The following TNPO3 variants were observed in gnomAD, a reference collection of about 807,000 sequenced individuals.
TNPO3 encodes transportin 3.
Under a neutral mutation model 122.8 loss-of-function variants are expected in TNPO3, and 65 were observed. The observed-to-expected ratio is 0.53, with a 90% CI of 0.43 to 0.65. The LOEUF (loss-of-function observed/expected upper bound fraction) is 0.65, where lower values mean the gene tolerates loss of function less well. TNPO3 is among the 30% of genes least tolerant of loss of function. The pLI, the probability that TNPO3 is intolerant of heterozygous loss-of-function variation, is 0.00. For missense variants in TNPO3, 850 were observed against 1,136.7 expected (o/e 0.75, Z 3.63); for synonymous variants, 372 against 411.2 (o/e 0.90, Z 1.15).
rs776509883 is a variant in TNPO3 at position 128,990,174 on chromosome 7, G to A, written c.1359-74C>T. 1.7e-5 allele frequency: 25 copies of A among 1,484,140 alleles called. No individual in the cohort carries two copies. In the African/African-American group the frequency reaches 2.9e-4, roughly 17 times the overall value. The allele number at this position is 1,484,140 out of a possible 1,614,324, so 91.9% of individuals were successfully genotyped here. On this transcript the variant is annotated intron_variant, in intron 10 of 22. Transcript: ENST00000265388. Reference sequence around the variant, plus strand: ...TTCTGGCCAAATAACAGGCTGTGACGACACACAGCATTGCTAAAGGGCTTC... The same window carrying A: ...TTCTGGCCAAATAACAGGCTGTGACAACACACAGCATTGCTAAAGGGCTTC...
chr7:129,018,132 T>C lies in TNPO3; in HGVS notation c.146A>G (p.Gln49Arg), dbSNP rs1362176203. 6.2e-7 allele frequency: 1 copy of C among 1,614,184 alleles called. No individual in the cohort carries two copies. Among genetic ancestry groups the C allele is most frequent in the Non-Finnish European group, 8.5e-7 (1 of 1,180,032 alleles). The change falls in exon 2 of 23, where the codon CAG becomes CGG. Residue 49 changes from glutamine (Q) to arginine (R), a missense_variant. Coordinates refer to ENST00000265388, the MANE Select transcript of TNPO3 (RefSeq NM_012470.4). ...CACATCCTGCCGGATCTGTAACAAC[T>C]GGTCTGAGATCTCCCATGCATGAAC... ...RSVHAWEISD[Q>R]LLQIRQDVES...
intron 20 of TNPO3, among the ~76,000 whole-genome samples, chr7:128,969,405 T>C (rs930967224): frequency 4.6e-5 from 7 of 152,184 alleles, no homozygotes; most frequent in African/African-American, 1.7e-4. Context: ...AATTTTATAT[T>C]CTGTGGTTCT....
At chr7:128,980,510 G>A (rs117232856) in intron 14 of TNPO3, among the ~76,000 whole-genome samples, 2,287 of 152,152 alleles carry the variant, frequency 0.015, 30 homozygotes, top group South Asian at 0.045. Flanking sequence ...TGGGAGGCTG[G>A]TGGTGGTGCA....
chr7:129,020,087 G>C (rs1804295753), intron 1 of TNPO3, among the ~76,000 whole-genome samples: 1 of 152,072 alleles, frequency 6.6e-6, no homozygotes, highest in South Asian at 2.1e-4. Context: ...AGGATCACTT[G>C]AGCCCAAGCA....
rs190107906 is a variant in TNPO3, at chr7:128,964,624, C to T, written c.2711+2656G>A. Among the ~76,000 whole-genome samples the T allele has an allele frequency of 3.2e-3, 486 of 152,168 alleles. 1 individual carries two copies. The highest frequency in any genetic ancestry group is 0.011 in the African/African-American group (466 of 41,542). On this transcript the variant is annotated intron_variant, in intron 21 of 22. Transcript: ENST00000265388. Reference sequence around the variant, plus strand: ...TGCTGGGATTACAGGCGTGAGCCACCGCGCCTGGCCACCAAAACAATCTTT... The same window carrying T: ...TGCTGGGATTACAGGCGTGAGCCACTGCGCCTGGCCACCAAAACAATCTTT...
chr7:128,997,299 G>A, intron 8 of TNPO3, 90 bp downstream of exon 8: 1 of 1,469,774 alleles, frequency 6.8e-7, no homozygotes, highest in Non-Finnish European at 9.3e-7. Context: ...TGCCCAGCCA[G>A]GTTTATTATC....
intron 8 of TNPO3, 60 bp from the exon 9 acceptor site, chr7:128,993,974 A>C (rs1052581400): frequency 6.9e-7 from 1 of 1,440,498 alleles, no homozygotes; most frequent in African/African-American, 1.4e-5. Context: ...AATGACCTCT[A>C]TAAAATCAAG....
Position 129,017,006 on chromosome 7 carries a change from T to A in TNPO3, c.372A>T (p.Gly124=). The A allele has an allele frequency of 6.2e-7, 1 of 1,613,194 alleles. No homozygotes were observed. The highest frequency in any genetic ancestry group is 8.5e-7 in the Non-Finnish European group (1 of 1,179,974). The change falls in exon 3 of 23, where the codon GGA becomes GGT. Residue 124 remains glycine, a synonymous_variant. Transcript: ENST00000265388. ...DLALQMPSWK[G]CVQTLVEKYS... is the part of the protein sequence containing the mutation. ...ACTTTTCCACCAGTGTTTGCACACA[T>A]CCCTTCCAGGAAGGCATCTGTAGGG...
intron 1 of TNPO3, among the ~76,000 whole-genome samples, chr7:129,047,231 A>C (rs993448266): frequency 6.6e-6 from 1 of 152,200 alleles, no homozygotes; most frequent in South Asian, 2.1e-4. Context: ...TGTCTCTGTA[A>C]AAGTTATCTC....
At chr7:129,000,989 T>C in intron 6 of TNPO3, 70 bp downstream of exon 6, 1 of 1,521,114 alleles carries the variant, frequency 6.6e-7, no homozygotes, top group Non-Finnish European at 9.0e-7. Flanking sequence ...AGACGAATAA[T>C]AAAAAGTGAC....
intron 21 of TNPO3, 31 bp downstream of exon 21, chr7:128,967,249 C>A: frequency 7.5e-7 from 1 of 1,328,818 alleles, no homozygotes; most frequent in South Asian, 1.2e-5. Context: ...CCACATCCCA[C>A]ACCTCCTTAA....
intron 7 of TNPO3, 115 bp from the exon 8 acceptor site, chr7:128,997,650 G>A (rs1366918829): frequency 3.2e-6 from 3 of 931,226 alleles, no homozygotes; most frequent in Admixed American, 2.8e-5. Flanking sequence ...AATATGAGTG[G>A]AGCCAGTTAA....
chr7:129,056,047 G>C, upstream of TNPO3: 5 of 1,151,672 alleles, frequency 4.3e-6, no homozygotes, highest in Non-Finnish European at 5.2e-6. Flanking sequence ...TTCTTCGTGG[G>C]GAGGAACTGG....
intron 1 of TNPO3, among the ~76,000 whole-genome samples, chr7:129,026,558 A>G (rs1487586484): frequency 6.6e-6 from 1 of 151,806 alleles, no homozygotes; most frequent in East Asian, 1.9e-4. Context: ...ATGTGCCACC[A>G]CACCCAGCTA....
intron 4 of TNPO3, among the ~76,000 whole-genome samples, chr7:129,010,344 T>A (rs541573472): frequency 1.3e-5 from 2 of 152,214 alleles, no homozygotes; most frequent in African/African-American, 4.8e-5. Context: ...ATGTATTATT[T>A]TTTTTTTGAG....
At position 129,026,565 on chromosome 7, in the gene TNPO3, G is replaced by A. The variant is rs556027378; in HGVS notation, c.121-8408C>T. Among the ~76,000 whole-genome samples, 124 of 152,024 alleles carry A rather than the reference G, an allele frequency of 8.2e-4. 2 individuals are homozygous for A. The highest frequency in any genetic ancestry group is 4.6e-3 in the Admixed American group (71 of 15,272). On this transcript the variant is annotated intron_variant, in intron 1 of 22. Transcript: ENST00000265388. ...TTACAGGCATGTGCCACCACACCCA[G>A]CTAATTTTTGTATTTTTAGTAGAGA... is the stretch of plus-strand genomic sequence containing the variant.
chr7:128,997,878 C>T (rs559158666), intron 7 of TNPO3, among the ~76,000 whole-genome samples: 2 of 152,178 alleles, frequency 1.3e-5, no homozygotes, highest in African/African-American at 2.4e-5. Flanking sequence ...CATTCTGTTG[C>T]CCCAGCTAGA....
At chr7:129,036,490 G>C (rs1006422631) in intron 1 of TNPO3, among the ~76,000 whole-genome samples, 1 of 152,070 alleles carries the variant, frequency 6.6e-6, no homozygotes, top group African/African-American at 2.4e-5. Flanking sequence ...CTAGATTAGA[G>C]AAAATAAAAT....
chr7:129,039,731 C>T (rs1415328929), intron 1 of TNPO3, among the ~76,000 whole-genome samples: 1 of 152,116 alleles, frequency 6.6e-6, no homozygotes, highest in Non-Finnish European at 1.5e-5. Flanking sequence ...TGGAATACTG[C>T]TCAGCCATAA....
Sources: gnomAD v4.1 joint callset for allele counts (sites outside exome capture counted in the v4.1 genomes callset) on GRCh38, gnomAD v4.1.1 for gene constraint, MANE v1.5 for transcripts, NCBI Gene and HGNC (gene_info 2026-07-23, HGNC 2026-07-21) for gene names.